Variants in DOCK8 observed in about 807,000 individuals in gnomAD.
DOCK8 encodes the protein dedicator of cytokinesis 8.
Under a neutral mutation model 245.6 loss-of-function variants are expected in DOCK8, and 141 were observed. The ratio of observed to expected loss-of-function variants is 0.57; its 90% confidence interval spans 0.50 to 0.66. The LOEUF is 0.66. Ranked by LOEUF, DOCK8 falls within the 30% of genes least tolerant of loss-of-function variation. The pLI is 0.00. For missense variants in DOCK8, 2,965 were observed against 2,603.4 expected, an observed-to-expected ratio of 1.14 and a Z score of -3.02; for synonymous variants, 1,168 against 970.2, an observed-to-expected ratio of 1.20 and a Z score of -3.79.
At position 390,528 on chromosome 9, in the gene DOCK8, A is replaced by G. The variant is rs763051607; in HGVS notation, c.2932A>G (p.Thr978Ala). 3.1e-6 allele frequency: 5 copies of G among 1,614,184 alleles called. No homozygotes were observed. The highest frequency in any genetic ancestry group is 3.4e-6 in the Non-Finnish European group (4 of 1,179,994). Residue 978 changes from threonine to alanine, a missense_variant, in exon 24 of 48, where the codon ACA becomes GCA. This residue lies in a region of DOCK8 where 2,825 missense variants were observed against 2,453.5 expected (regional missense o/e 1.15). Coordinates refer to ENST00000432829, the MANE Select transcript of DOCK8 (RefSeq NM_203447.4). ...MVVSTGMVRETVFKYAWFFFE... is the reference protein window; with the variant it reads ...MVVSTGMVREAVFKYAWFFFE... ...GGTCAGCACCGGAATGGTGAGAGAA[A>G]CAGTCTTCAAGTATGCCTGGTTCTT...
At chr9:416,387 T>C (rs1235767586) in intron 29 of DOCK8, among the ~76,000 whole-genome samples, 1 of 152,232 alleles carries the variant, frequency 6.6e-6, no homozygotes, top group African/African-American at 2.4e-5. Context: ...GGAACCACTT[T>C]AGCACACATT....
At chr9:381,776 G>A (rs1283050330) in intron 21 of DOCK8, among the ~76,000 whole-genome samples, 4 of 152,016 alleles carry the variant, frequency 2.6e-5, no homozygotes, top group Admixed American at 6.6e-5. Flanking sequence ...CCTAGGCAAC[G>A]TGACAAAAGC....
At chr9:279,858 A>G (rs560354315) in intron 2 of DOCK8, among the ~76,000 whole-genome samples, 1 of 152,304 alleles carries the variant, frequency 6.6e-6, no homozygotes, top group South Asian at 2.1e-4. Flanking sequence ...AAGCCTCCCC[A>G]GTGCTGTAAC....
intron 27 of DOCK8, among the ~76,000 whole-genome samples, chr9:406,566 A>G (rs2055428461): frequency 6.6e-6 from 1 of 151,824 alleles, no homozygotes; most frequent in Non-Finnish European, 1.5e-5. Context: ...TTACAGAGGA[A>G]TTGCCTGTTC....
intron 4 of DOCK8, among the ~76,000 whole-genome samples, chr9:296,376 G>A (rs558657898): frequency 1.7e-3 from 262 of 152,306 alleles, no homozygotes; most frequent in Middle Eastern, 6.8e-3. Flanking sequence ...GAACTCTTAA[G>A]AAATTAAACT....
rs201305803 is a variant in DOCK8, at chr9:373,167, AAAAT to A, written c.2109+893_2109+896del. On this transcript the variant is annotated intron_variant, in intron 18 of 47. Coordinates refer to ENST00000432829, the MANE Select transcript of DOCK8 (RefSeq NM_203447.4). The stretch of plus-strand genomic sequence containing the variant: ...GGGTGACAGAGTGAGACTCCATCTC[AAAAT>A]AAATAAATAAAAAATAAATAAAGGG... Among the ~76,000 whole-genome samples, 717 of 152,284 alleles carry A rather than the reference AAAAT, an allele frequency of 4.7e-3. 3 individuals are homozygous for A. Among genetic ancestry groups the A allele is most frequent in the African/African-American group, 0.017 (691 of 41,550 alleles).
chr9:415,694 A>ACACACGCACACACG (rs749526898), intron 29 of DOCK8, among the ~76,000 whole-genome samples: 3 of 147,558 alleles, frequency 2.0e-5, no homozygotes, highest in East Asian at 1.9e-4. Context: ...GCGCGCGTGC[A>ACACACGCACACACG]CACACACACA....
At position 439,532 on chromosome 9, in the gene DOCK8, G is replaced by A. The variant is rs894823452; in HGVS notation, c.5223+144G>A. 35 of 1,081,186 alleles carry A rather than the reference G, an allele frequency of 3.2e-5. No homozygotes were observed. The East Asian group carries it at 3.3e-4, about 10-fold the overall frequency. 67.0% of individuals were successfully genotyped at this position (1,081,186 alleles called of 1,614,324 possible). A position where few individuals can be genotyped will look rare whatever the true frequency, so the allele number is the denominator to read the frequency against. On this transcript the variant is annotated intron_variant, in intron 40 of 47. Transcript: ENST00000432829. ...GGTGTGCGGGGCAGGGGATGGGCCC[G>A]GGGAGGACTTTGATGTATGCAAATT...
chr9:243,504 G>A (rs2047426629), intron 1 of DOCK8, among the ~76,000 whole-genome samples: 1 of 152,072 alleles, frequency 6.6e-6, no homozygotes, highest in South Asian at 2.1e-4. Flanking sequence ...TTGTTTCTTG[G>A]CCTCTTTGCT....
chr9:262,671 C>A (rs73372593), intron 1 of DOCK8, among the ~76,000 whole-genome samples: 4,889 of 151,586 alleles, frequency 0.032, 244 homozygotes, highest in African/African-American at 0.11. Context: ...TACCAGGAGA[C>A]GGAGGGTAAA....
chr9:441,933 G>C lies in DOCK8; in HGVS notation c.5414G>C (p.Gly1805Ala). The change falls in exon 42 of 48, where the codon GGG (glycine) becomes GCG (alanine). Residue 1805 changes from glycine to alanine, a missense_variant. By Grantham distance (60) the Gly-to-Ala change is moderately conservative (BLOSUM62 0). Coordinates refer to ENST00000432829, the MANE Select transcript of DOCK8 (RefSeq NM_203447.4). ...FRVGFFGSKF[G>A]DLDEQEFVYK... ...GTTGGTTTCTTTGGATCCAAATTTG[G>C]GGATTTGGATGAACAGGAGTTTGTC... 6.2e-7 allele frequency: 1 copy of C among 1,614,036 alleles called. No homozygotes were observed.
chr9:310,922 C>T (rs2130681441), intron 5 of DOCK8, among the ~76,000 whole-genome samples: 1 of 152,184 alleles, frequency 6.6e-6, no homozygotes, highest in South Asian at 2.1e-4. Context: ...TTGCTTCTGT[C>T]AAAACAATAT....
chr9:333,327 C>T (rs557568030), intron 10 of DOCK8, among the ~76,000 whole-genome samples: 75 of 152,328 alleles, frequency 4.9e-4, no homozygotes, highest in African/African-American at 1.2e-3. Flanking sequence ...CTTGGCCGGG[C>T]GTGGTGGCTC....
rs1022022324 is a variant in DOCK8 at position 400,241 on chromosome 9, C to G, written c.3234+982C>G. 3.0e-4 allele frequency among the ~76,000 whole-genome samples: 24 copies of G among 79,952 alleles called. 2 individuals carry two copies. Among genetic ancestry groups the G allele is most frequent in the Admixed American group, 6.7e-4 (5 of 7,410 alleles). The allele number at this position is 79,952 out of a possible 152,430, so 52.5% of individuals were successfully genotyped here. On this transcript the variant is annotated intron_variant, in intron 26 of 47. Transcript: ENST00000432829. ...ATCACCACCACCTCCACCATCACCA[C>G]CACCTCCACCATCACCACCACCTCC...
Position 249,400 on chromosome 9 carries a change from C to T in DOCK8, c.54-22227C>T, listed in dbSNP as rs114125256. Among the ~76,000 whole-genome samples, 872 of 152,288 alleles carry T rather than the reference C, an allele frequency of 5.7e-3. 6 individuals are homozygous for T. Among genetic ancestry groups the T allele is most frequent in the African/African-American group, 0.019 (794 of 41,572 alleles). On this transcript the variant is annotated intron_variant, in intron 1 of 47. Coordinates refer to ENST00000432829, the MANE Select transcript of DOCK8 (RefSeq NM_203447.4). ...AAGTCAGTGATGTTTTCTATACTGT[C>T]AGCAGCAATCTCACAGCCTCAATAC...
intron 14 of DOCK8, among the ~76,000 whole-genome samples, chr9:351,141 C>T (rs535438511): frequency 3.9e-5 from 6 of 152,110 alleles, no homozygotes; most frequent in Admixed American, 6.5e-5. Flanking sequence ...CTGGTAGGGT[C>T]GGGGTTCCAC....
At chr9:243,269 T>G (rs996950537) in intron 1 of DOCK8, among the ~76,000 whole-genome samples, 7 of 152,196 alleles carry the variant, frequency 4.6e-5, no homozygotes, top group Non-Finnish European at 8.8e-5. Flanking sequence ...AACAAATACA[T>G]TTCAATTCGC....
chr9:390,527 AAC>A lies in DOCK8; in HGVS notation c.2933_2934del (p.Thr978SerfsTer10). 1 of 1,614,166 alleles carries A rather than the reference AAC, an allele frequency of 6.2e-7. No individual in the cohort carries two copies. The highest frequency in any genetic ancestry group is 8.5e-7 in the Non-Finnish European group (1 of 1,179,984). On this transcript the variant is annotated frameshift_variant, in exon 24 of 48. Coordinates refer to ENST00000432829, the MANE Select transcript of DOCK8 (RefSeq NM_203447.4). LOFTEE classifies it high-confidence loss of function. ...MVVSTGMVRE[T>X]VFKYAWFFFE... ...TGGTCAGCACCGGAATGGTGAGAGA[AAC>A]AGTCTTCAAGTATGCCTGGTTCTTC...
chr9:379,349 C>T (rs1278444171), intron 20 of DOCK8, among the ~76,000 whole-genome samples: 3 of 152,050 alleles, frequency 2.0e-5, no homozygotes, highest in Non-Finnish European at 4.4e-5. Flanking sequence ...ACAACAGTCA[C>T]GTGAGCATCT....
Sources: gnomAD v4.1 joint callset for allele counts (sites outside exome capture counted in the v4.1 genomes callset) on GRCh38, gnomAD v4.1.1 for gene constraint, gnomAD v4.1.1 regional missense constraint, MANE v1.5 for transcripts, NCBI Gene and HGNC (gene_info 2026-07-23, HGNC 2026-07-21) for gene names.